LUC7L2: variants seen among roughly 807,000 people sequenced by gnomAD.
The protein encoded by LUC7L2 is LUC7 like 2, pre-mRNA splicing factor.
In LUC7L2, 25 loss-of-function variants were observed where a neutral mutation model predicts 52.8. The observed-to-expected ratio is 0.47, with a 90% CI of 0.34 to 0.66. LUC7L2 has a LOEUF of 0.66. LUC7L2 is among the 30% of genes least tolerant of loss of function. LUC7L2 has a pLI of 0.01. For missense variants in LUC7L2, 328 were observed against 497.8 expected (o/e 0.66, Z 3.25); for synonymous variants, 144 against 160.9 (o/e 0.89, Z 0.80).
chr7:139,405,843 A>T (rs1480610198), intron 5 of LUC7L2, 56 bp downstream of exon 5: 1 of 1,525,220 alleles, frequency 6.6e-7, no homozygotes, highest in Non-Finnish European at 8.8e-7. Flanking sequence ...ACTACAAATA[A>T]AAAGTAGTAG....
At chr7:139,407,110 T>C (rs1795166745) in intron 5 of LUC7L2, 64 bp from the exon 6 acceptor site, 1 of 1,490,944 alleles carries the variant, frequency 6.7e-7, no homozygotes, top group African/African-American at 1.4e-5. Context: ...CATAGTATAT[T>C]TTATTTAATT....
chr7:139,340,694 G>C (rs182354657), intron 1 of LUC7L2: 5 of 392,304 alleles, frequency 1.3e-5, no homozygotes, highest in Non-Finnish European at 2.2e-5. Context: ...CGCGTCGTTT[G>C]CAGAAGCCCC....
chr7:139,353,262 TATTA>T (rs1799507595), intron 1 of LUC7L2, among the ~76,000 whole-genome samples: 1 of 152,136 alleles, frequency 6.6e-6, no homozygotes, highest in Admixed American at 6.6e-5. Flanking sequence ...AAAACCGCAA[TATTA>T]ATTTGTATGA....
At chr7:139,404,694 A>G (rs1466177546) in intron 4 of LUC7L2, among the ~76,000 whole-genome samples, 1 of 152,220 alleles carries the variant, frequency 6.6e-6, no homozygotes, top group Non-Finnish European at 1.5e-5. Context: ...ATTCTTTCCC[A>G]AGGCCAGAGT....
chr7:139,381,877 A>G (rs1262194468), intron 2 of LUC7L2, among the ~76,000 whole-genome samples: 6 of 110,674 alleles, frequency 5.4e-5, no homozygotes, highest in African/African-American at 2.8e-4. Flanking sequence ...CGCCTGGCCT[A>G]ATTTTTTTTT....
chr7:139,388,840 T>A (rs1390503171), intron 2 of LUC7L2, among the ~76,000 whole-genome samples: 1 of 152,044 alleles, frequency 6.6e-6, no homozygotes, highest in Non-Finnish European at 1.5e-5. Flanking sequence ...TTTCCACACT[T>A]AATTTCCATT....
chr7:139,378,771 GAACTGTT>G (rs1423814728), intron 2 of LUC7L2, among the ~76,000 whole-genome samples: 1 of 152,168 alleles, frequency 6.6e-6, no homozygotes, highest in Non-Finnish European at 1.5e-5. Context: ...TACATAGGGT[GAACTGTT>G]AAGTTTTTCA....
chr7:139,369,539 T>G (rs1381331977), intron 1 of LUC7L2, among the ~76,000 whole-genome samples: 1 of 152,182 alleles, frequency 6.6e-6, no homozygotes, highest in Non-Finnish European at 1.5e-5. Flanking sequence ...GAATGGAGAT[T>G]CTTTAGTATT....
chr7:139,374,594 A>G, intron 1 of LUC7L2: 1 of 1,514,708 alleles, frequency 6.6e-7, no homozygotes, highest in South Asian at 1.3e-5. Flanking sequence ...ACTAAACTGA[A>G]TATTCCAAAT....
chr7:139,416,754 C>T, intron 8 of LUC7L2: 1 of 152,198 alleles, frequency 6.6e-6, no homozygotes, highest in East Asian at 1.9e-4. Context: ...GCATTAAAAA[C>T]TTACTTCTAT....
intron 2 of LUC7L2, among the ~76,000 whole-genome samples, chr7:139,376,982 A>T (rs2131217080): frequency 6.6e-6 from 1 of 152,320 alleles, no homozygotes; most frequent in South Asian, 2.1e-4. Flanking sequence ...AAAATTAAGG[A>T]CATGCCCCAA....
intron 9 of LUC7L2, among the ~76,000 whole-genome samples, chr7:139,420,099 C>T (rs193206652): frequency 6.6e-5 from 10 of 152,280 alleles, no homozygotes; most frequent in East Asian, 5.8e-4. Flanking sequence ...TAGTGCCCTG[C>T]GTAAATGAGG....
intron 1 of LUC7L2, among the ~76,000 whole-genome samples, chr7:139,363,546 AAAAT>A (rs1159935333): frequency 2.6e-5 from 4 of 152,362 alleles, no homozygotes; most frequent in Non-Finnish European, 2.9e-5. Flanking sequence ...GAAATGTTGA[AAAAT>A]AAATATATTT....
At position 139,372,434 on chromosome 7, in the gene LUC7L2, A is replaced by G. The variant is rs185068503; in HGVS notation, c.62-3628A>G. Reference sequence around the variant, plus strand: ...TGCTCTTATAAGCTTTGTCAAAGCTATTACTCCAGGTTGTAGTGCTTTTTT... The same window carrying G: ...TGCTCTTATAAGCTTTGTCAAAGCTGTTACTCCAGGTTGTAGTGCTTTTTT... On this transcript the variant is annotated intron_variant, in intron 1 of 9. Transcript: ENST00000354926. Among the ~76,000 whole-genome samples, 317 of 152,196 alleles carry G rather than the reference A, an allele frequency of 2.1e-3. 4 individuals are homozygous for G. Among genetic ancestry groups the G allele is most frequent in the African/African-American group, 7.4e-3 (306 of 41,520 alleles).
At chr7:139,381,886 T>A (rs1317829109) in intron 2 of LUC7L2, among the ~76,000 whole-genome samples, 2 of 61,910 alleles carry the variant, frequency 3.2e-5, no homozygotes, top group African/African-American at 9.1e-4. Context: ...TAATTTTTTT[T>A]TTTTTTTTTT....
chr7:139,342,601 AGGC>A (rs1410121157), intron 1 of LUC7L2, among the ~76,000 whole-genome samples: 2 of 152,164 alleles, frequency 1.3e-5, no homozygotes, highest in African/African-American at 4.8e-5. Context: ...TAGTACAGGC[AGGC>A]GACATGCGAC....
chr7:139,417,333 G>C (rs539484255), intron 8 of LUC7L2: 3 of 624,236 alleles, frequency 4.8e-6, no homozygotes, highest in South Asian at 5.0e-5. Flanking sequence ...GAGCCACGGC[G>C]CCTGGCTGAG....
At chr7:139,406,859 TG>T (rs200528204) in intron 5 of LUC7L2, among the ~76,000 whole-genome samples, 40 of 152,166 alleles carry the variant, frequency 2.6e-4, no homozygotes, top group Middle Eastern at 3.4e-3. Flanking sequence ...CTGATTTTAT[TG>T]TTTTTTTCTT....
chr7:139,397,107 C>T (rs112780911), intron 2 of LUC7L2, among the ~76,000 whole-genome samples: 1 of 152,120 alleles, frequency 6.6e-6, no homozygotes, highest in African/African-American at 2.4e-5. Context: ...AGGCTCAGAC[C>T]TGTGTGCCAT....
Sources: allele counts gnomAD v4.1 joint callset (sites outside exome capture counted in the v4.1 genomes callset), GRCh38; gene constraint gnomAD v4.1.1; transcripts MANE v1.5; gene names NCBI Gene and HGNC (gene_info 2026-07-23, HGNC 2026-07-21).